Variants in SLC4A4 observed in about 807,000 individuals in gnomAD.
SLC4A4 encodes the protein solute carrier family 4 member 4.
A neutral mutation model predicts 111.5 loss-of-function variants in SLC4A4; 27 were observed. That is an observed-to-expected ratio of 0.24 (90% CI 0.18 to 0.33). The LOEUF (loss-of-function observed/expected upper bound fraction) is 0.33, where lower values mean the gene tolerates loss of function less well. Among genes scored for constraint, SLC4A4 ranks in the 10% least tolerant of loss-of-function variants. The pLI is 1.00. For synonymous variants in SLC4A4, 443 were observed against 463.4 expected (o/e 0.96, Z 0.57); for missense variants, 909 against 1,315.5 (o/e 0.69, Z 4.78).
intron 17 of SLC4A4, among the ~76,000 whole-genome samples, chr4:71,533,925 A>T (rs993755514): frequency 3.3e-5 from 5 of 151,976 alleles, no homozygotes; most frequent in Admixed American, 3.3e-4. Flanking sequence ...TACTCTTTAA[A>T]CTTAAATCAG....
At chr4:71,427,912 C>A (rs1358928533) in intron 7 of SLC4A4, among the ~76,000 whole-genome samples, 1 of 152,116 alleles carries the variant, frequency 6.6e-6, no homozygotes, top group Non-Finnish European at 1.5e-5. Flanking sequence ...ATCTAACCAG[C>A]CACATAGATG....
At chr4:71,337,228 A>G (rs1400012032) in intron 3 of SLC4A4, among the ~76,000 whole-genome samples, 2 of 152,162 alleles carry the variant, frequency 1.3e-5, no homozygotes, top group Admixed American at 1.3e-4. Flanking sequence ...ATTGTTAGGG[A>G]CTATGTTATT....
At chr4:71,513,784 A>G (rs1165567060) in intron 16 of SLC4A4, among the ~76,000 whole-genome samples, 1 of 152,016 alleles carries the variant, frequency 6.6e-6, no homozygotes, top group Non-Finnish European at 1.5e-5. Context: ...GGCCTTTATT[A>G]TTTTGAGGTA....
intron 6 of SLC4A4, among the ~76,000 whole-genome samples, chr4:71,366,339 G>GTGTGTGTGTGTT (rs1336747087): frequency 4.6e-5 from 7 of 151,688 alleles, no homozygotes; most frequent in African/African-American, 1.2e-4. Flanking sequence ...GTGTGTGTGT[G>GTGTGTGTGTGTT]TGTGTGTGTG....
At position 71,532,004 on chromosome 4, in the gene SLC4A4, C is replaced by T. The variant is rs1221037568; in HGVS notation, c.2167-58C>T. ...CAAAGTTCTTCATTCAGTTCAAACA[C>T]AGACAAATATATGTATCTGGTGCTA... On this transcript the variant is annotated intron_variant, in intron 16 of 25. Transcript: ENST00000264485. 14 of 996,420 alleles carry T rather than the reference C, an allele frequency of 1.4e-5. No individual in the cohort carries two copies. The Admixed American group carries it at 2.5e-4, about 18-fold the overall frequency. 61.7% of individuals were successfully genotyped at this position (996,420 alleles called of 1,614,324 possible).
intron 2 of SLC4A4, among the ~76,000 whole-genome samples, chr4:71,141,455 C>T (rs1482666388): frequency 3.3e-5 from 5 of 152,142 alleles, no homozygotes; most frequent in East Asian, 1.9e-4. Context: ...AAGATTTTCC[C>T]ATCTCAGAAG....
chr4:71,517,399 C>G (rs1355881561), intron 16 of SLC4A4, among the ~76,000 whole-genome samples: 1 of 151,526 alleles, frequency 6.6e-6, no homozygotes, highest in African/African-American at 2.4e-5. Flanking sequence ...TCTTAATTTT[C>G]TTAATTATAT....
rs912815845 is a variant in SLC4A4, at chr4:71,382,840, A to T, written c.731-14737A>T. Among the ~76,000 whole-genome samples, 3 of 152,186 alleles carry T rather than the reference A, an allele frequency of 2.0e-5. No individual in the cohort carries two copies. In the South Asian group the frequency reaches 6.2e-4, roughly 32 times the overall value. On this transcript the variant is annotated intron_variant, in intron 6 of 25. Coordinates refer to ENST00000264485, the MANE Select transcript of SLC4A4 (RefSeq NM_001098484.3). ...TTCCACTGTGTTGTGTTCCTGGTCC[A>T]GAGATAATGTACAACTGTGGGAAAG... is the stretch of plus-strand genomic sequence containing the variant.
chr4:71,154,681 A>T (rs1247022197), intron 2 of SLC4A4, among the ~76,000 whole-genome samples: 1 of 152,216 alleles, frequency 6.6e-6, no homozygotes, highest in Non-Finnish European at 1.5e-5. Flanking sequence ...TGGAGGCAAA[A>T]TAGAAATGCT....
chr4:71,236,723 C>T, intron 2 of SLC4A4, 74 bp downstream of exon 2: 2 of 1,223,248 alleles, frequency 1.6e-6, no homozygotes, highest in Non-Finnish European at 1.2e-6. Flanking sequence ...TCATGCATTT[C>T]ATATATCTTA....
intron 2 of SLC4A4, among the ~76,000 whole-genome samples, chr4:71,110,329 C>T (rs1299029915): frequency 6.6e-6 from 1 of 152,102 alleles, no homozygotes; most frequent in Admixed American, 6.5e-5. Context: ...ATCTTCCCAC[C>T]TCAGCCTCCT....
At chr4:71,087,031 G>T (rs990239657) in intron 1 of SLC4A4, among the ~76,000 whole-genome samples, 12 of 151,946 alleles carry the variant, frequency 7.9e-5, no homozygotes, top group Non-Finnish European at 1.3e-4. Context: ...AATCCATCTG[G>T]TCCTGGACTT....
chr4:71,096,232 T>C (rs1201655801), intron 2 of SLC4A4, among the ~76,000 whole-genome samples: 1 of 152,136 alleles, frequency 6.6e-6, no homozygotes, highest in African/African-American at 2.4e-5. Context: ...AGGGTTAAAT[T>C]CTCTGCATAG....
Position 71,536,465 on chromosome 4 carries a change from C to CATATATATATATATATATAT in SLC4A4, c.2442+2080_2442+2099dup, listed in dbSNP as rs869091643. The stretch of plus-strand genomic sequence containing the variant: ...GCATATATACATATATACATATATA[C>CATATATATATATATATATAT]ATATATATATATATATATATATGTA... On this transcript the variant is annotated intron_variant, in intron 18 of 25. Transcript: ENST00000264485. Among the ~76,000 whole-genome samples the CATATATATATATATATATAT allele has an allele frequency of 1.4e-3, 57 of 40,686 alleles. 2 individuals carry two copies. Among genetic ancestry groups the CATATATATATATATATATAT allele is most frequent in the African/African-American group, 2.4e-3 (30 of 12,470 alleles). 26.7% of individuals were successfully genotyped at this position (40,686 alleles called of 152,430 possible).
intron 23 of SLC4A4, among the ~76,000 whole-genome samples, chr4:71,563,180 A>G (rs1482568621): frequency 6.6e-6 from 1 of 151,800 alleles, no homozygotes. Context: ...ACCTTTTTAA[A>G]CATTTTATTT....
intron 2 of SLC4A4, among the ~76,000 whole-genome samples, chr4:71,159,500 A>G (rs942832381): frequency 7.2e-5 from 11 of 152,040 alleles, no homozygotes; most frequent in African/African-American, 2.7e-4. Flanking sequence ...AGTAGCTGGG[A>G]TTACAGGCAT....
At position 71,379,561 on chromosome 4, in the gene SLC4A4, C is replaced by T. The variant is rs533234329; in HGVS notation, c.731-18016C>T. Among the ~76,000 whole-genome samples, 8 of 152,190 alleles carry T rather than the reference C, an allele frequency of 5.3e-5. No individual in the cohort carries two copies. In the South Asian group the frequency reaches 1.0e-3, roughly 20 times the overall value. On this transcript the variant is annotated intron_variant, in intron 6 of 25. Coordinates refer to ENST00000264485, the MANE Select transcript of SLC4A4 (RefSeq NM_001098484.3). ...TCTCCCTTATTTGTGCTCTCATAACCCCAACCCCCTTCCCCCATTGACTTA... is the reference window on the plus strand; with the variant it reads ...TCTCCCTTATTTGTGCTCTCATAACTCCAACCCCCTTCCCCCATTGACTTA...
intron 3 of SLC4A4, among the ~76,000 whole-genome samples, chr4:71,297,901 C>G (rs1724936577): frequency 1.3e-5 from 2 of 152,052 alleles, no homozygotes; most frequent in South Asian, 4.1e-4. Flanking sequence ...ATTGGTAAAT[C>G]TTATGTATAA....
chr4:71,412,646 G>C (rs1280181770), intron 7 of SLC4A4, among the ~76,000 whole-genome samples: 1 of 152,188 alleles, frequency 6.6e-6, no homozygotes, highest in African/African-American at 2.4e-5. Flanking sequence ...CTCTCCAGGA[G>C]GTCTCATTAT....
Sources: allele counts gnomAD v4.1 joint callset (sites outside exome capture counted in the v4.1 genomes callset), GRCh38; gene constraint gnomAD v4.1.1; transcripts MANE v1.5; gene names NCBI Gene and HGNC (gene_info 2026-07-23, HGNC 2026-07-21).